GALNT17: variants seen among roughly 807,000 people sequenced by gnomAD.
The protein encoded by GALNT17 is polypeptide N-acetylgalactosaminyltransferase 17, also known as UDP-GalNAc:polypeptide N-acetylgalactosaminyltransferase-like 3.
A neutral mutation model predicts 63.7 loss-of-function variants in GALNT17; 29 were observed. The observed-to-expected ratio is 0.46, with a 90% CI of 0.34 to 0.62. GALNT17 has a LOEUF of 0.62. Among genes scored for constraint, GALNT17 ranks in the 20% least tolerant of loss-of-function variants. GALNT17 has a pLI of 0.01. For synonymous variants in GALNT17, 305 were observed against 318.3 expected (o/e 0.96, Z 0.45); for missense variants, 603 against 799.6 (o/e 0.75, Z 2.97).
chr7:71,330,515 A>G (rs1791789952), intron 1 of GALNT17, among the ~76,000 whole-genome samples: 1 of 152,136 alleles, frequency 6.6e-6, no homozygotes, highest in Admixed American at 6.5e-5. Flanking sequence ...CTACCTCCTC[A>G]GCCTCTCAAG....
chr7:71,691,906 T>C (rs62458995), intron 9 of GALNT17, among the ~76,000 whole-genome samples: 1 of 147,480 alleles, frequency 6.8e-6, no homozygotes, highest in Non-Finnish European at 1.5e-5. Flanking sequence ...CTTTCTCTCT[T>C]TCTCTCTTTC....
chr7:71,204,993 G>A (rs113789289), intron 1 of GALNT17, among the ~76,000 whole-genome samples: 2 of 152,052 alleles, frequency 1.3e-5, no homozygotes, highest in African/African-American at 2.4e-5. Context: ...TAATCCACCT[G>A]TCTTGGCCAC....
intron 5 of GALNT17, among the ~76,000 whole-genome samples, chr7:71,447,990 A>G (rs930136844): frequency 6.6e-6 from 1 of 152,032 alleles, no homozygotes; most frequent in Non-Finnish European, 1.5e-5. Context: ...TCATGCCTTT[A>G]TCTTTTTTAG....
chr7:71,321,885 T>TCCTG (rs1791614789), intron 1 of GALNT17, among the ~76,000 whole-genome samples: 1 of 70,378 alleles, frequency 1.4e-5, no homozygotes, highest in South Asian at 8.4e-4. Context: ...CTTCCTTCCT[T>TCCTG]CCTTCCTTCC....
At chr7:71,589,788 C>G (rs1394324044) in intron 6 of GALNT17, among the ~76,000 whole-genome samples, 8 of 152,176 alleles carry the variant, frequency 5.3e-5, no homozygotes, top group Non-Finnish European at 8.8e-5. Context: ...ACAGCCGGAA[C>G]TCAACCCAAA....
intron 5 of GALNT17, among the ~76,000 whole-genome samples, chr7:71,501,544 A>T (rs1425399735): frequency 6.6e-6 from 1 of 152,186 alleles, no homozygotes; most frequent in Non-Finnish European, 1.5e-5. Context: ...GTGGGATGAG[A>T]GGTGTGCACC....
intron 2 of GALNT17, among the ~76,000 whole-genome samples, chr7:71,357,842 A>G (rs1792316751): frequency 1.3e-5 from 2 of 152,142 alleles, no homozygotes; most frequent in Non-Finnish European, 2.9e-5. Flanking sequence ...CAGGATTATA[A>G]CATGCACCAA....
At chr7:71,233,765 A>G (rs907885323) in intron 1 of GALNT17, among the ~76,000 whole-genome samples, 40 of 152,164 alleles carry the variant, frequency 2.6e-4, no homozygotes, top group African/African-American at 9.4e-4. Flanking sequence ...GTATTAGTCC[A>G]TTCTCACATT....
intron 5 of GALNT17, among the ~76,000 whole-genome samples, chr7:71,430,858 G>A (rs1438734084): frequency 6.6e-6 from 1 of 152,118 alleles, no homozygotes; most frequent in Non-Finnish European, 1.5e-5. Flanking sequence ...TTAAAATAGA[G>A]GTATCTTTCC....
At chr7:71,669,510 C>T (rs1023235065) in intron 7 of GALNT17, among the ~76,000 whole-genome samples, 1 of 147,644 alleles carries the variant, frequency 6.8e-6, no homozygotes, top group Non-Finnish European at 1.5e-5. Flanking sequence ...GACTGTGACT[C>T]AAAAAACAAA....
intron 5 of GALNT17, among the ~76,000 whole-genome samples, chr7:71,501,582 G>A (rs1056929500): frequency 7.9e-5 from 12 of 152,056 alleles, no homozygotes; most frequent in Admixed American, 3.9e-4. Context: ...CTGTCTTTTT[G>A]TTGTATACAA....
At chr7:71,370,363 A>AT (rs1792598569) in intron 2 of GALNT17, among the ~76,000 whole-genome samples, 1 of 152,214 alleles carries the variant, frequency 6.6e-6, no homozygotes. Flanking sequence ...CAGTGGCAGC[A>AT]TCATGGCTCA....
At chr7:71,563,901 A>G (rs1294252695) in intron 5 of GALNT17, among the ~76,000 whole-genome samples, 1 of 151,970 alleles carries the variant, frequency 6.6e-6, no homozygotes, top group East Asian at 1.9e-4. Context: ...TTGTGTAGTG[A>G]TAGAGATTTT....
intron 5 of GALNT17, among the ~76,000 whole-genome samples, chr7:71,489,518 T>C (rs887178086): frequency 6.6e-6 from 1 of 152,226 alleles, no homozygotes. Context: ...AGGATTGTTG[T>C]AAGGATTGGA....
intron 2 of GALNT17, among the ~76,000 whole-genome samples, chr7:71,338,944 C>T (rs79511355): frequency 0.014 from 2,077 of 152,294 alleles, 23 homozygotes; most frequent in Middle Eastern, 0.027. Flanking sequence ...TTTAGAATCA[C>T]TAGGAAAATA....
chr7:71,279,083 G>A (rs188048140), intron 1 of GALNT17, among the ~76,000 whole-genome samples: 7 of 151,858 alleles, frequency 4.6e-5, no homozygotes, highest in East Asian at 3.9e-4. Context: ...GCACCACCAC[G>A]TCCAGCTAAT....
intron 1 of GALNT17, among the ~76,000 whole-genome samples, chr7:71,319,756 G>A (rs1040985244): frequency 6.6e-6 from 1 of 152,098 alleles, no homozygotes; most frequent in Non-Finnish European, 1.5e-5. Context: ...TGCTCAAGCC[G>A]TACATGTATA....
At chr7:71,465,247 T>G (rs1787516121) in intron 5 of GALNT17, among the ~76,000 whole-genome samples, 1 of 152,158 alleles carries the variant, frequency 6.6e-6, no homozygotes, top group Non-Finnish European at 1.5e-5. Context: ...CAGGGGCTAA[T>G]TTTGGGAAGG....
chr7:71,164,337 CAG>C (rs1280221789), intron 1 of GALNT17, among the ~76,000 whole-genome samples: 1 of 152,152 alleles, frequency 6.6e-6, no homozygotes, highest in Non-Finnish European at 1.5e-5. Flanking sequence ...AAGCAGGAGA[CAG>C]AGAGAAGCAG....
Sources: gnomAD v4.1 joint callset for allele counts (sites outside exome capture counted in the v4.1 genomes callset) on GRCh38, gnomAD v4.1.1 for gene constraint, MANE v1.5 for transcripts, NCBI Gene and HGNC (gene_info 2026-07-23, HGNC 2026-07-21) for gene names.